Variants in TCF12 observed in about 807,000 individuals in gnomAD.
The protein encoded by TCF12 is transcription factor 12.
TCF12 carries 45 observed loss-of-function variants against 86.0 expected under a neutral mutation model. That is an observed-to-expected ratio of 0.52 (90% CI 0.41 to 0.67). The LOEUF (loss-of-function observed/expected upper bound fraction) is 0.67. Ranked by LOEUF, TCF12 falls within the 30% of genes least tolerant of loss-of-function variation. TCF12 has a pLI of 0.00. For missense variants in TCF12, 881 were observed against 859.9 expected (o/e 1.02, Z -0.31); for synonymous variants, 330 against 299.6 (o/e 1.10, Z -1.05).
chr15:57,076,648 A>G (rs1485520708), intron 4 of TCF12, among the ~76,000 whole-genome samples: 1 of 151,882 alleles, frequency 6.6e-6, no homozygotes, highest in African/African-American at 2.4e-5. Context: ...CAAAAAAAAA[A>G]AAAAGAAAAG....
intron 3 of TCF12, among the ~76,000 whole-genome samples, chr15:56,974,846 A>G (rs1403661164): frequency 1.3e-5 from 2 of 151,994 alleles, no homozygotes; most frequent in Non-Finnish European, 1.5e-5. Context: ...TTTTTATGAA[A>G]AAGTTTTATC....
intron 3 of TCF12, among the ~76,000 whole-genome samples, chr15:57,053,490 T>C (rs1952153418): frequency 6.6e-6 from 1 of 152,208 alleles, no homozygotes; most frequent in African/African-American, 2.4e-5. Flanking sequence ...CTTGTCTGTT[T>C]TTGCTTTTTT....
At chr15:56,950,614 A>G (rs867706374) in intron 3 of TCF12, among the ~76,000 whole-genome samples, 21 of 152,242 alleles carry the variant, frequency 1.4e-4, no homozygotes, top group Admixed American at 7.2e-4. Flanking sequence ...AGATTCATTT[A>G]TGTACCAATA....
intron 5 of TCF12, among the ~76,000 whole-genome samples, chr15:57,116,634 A>C (rs918111252): frequency 6.6e-6 from 1 of 152,152 alleles, no homozygotes; most frequent in African/African-American, 2.4e-5. Context: ...GGAGTGAGCC[A>C]CTGAACCCAG....
intron 19 of TCF12, among the ~76,000 whole-genome samples, chr15:57,279,963 G>A (rs1415075466): frequency 1.5e-5 from 2 of 136,954 alleles, no homozygotes; most frequent in African/African-American, 2.9e-5. Flanking sequence ...GCGCGATTTC[G>A]GCTCACTGCA....
In TCF12 at chr15:57,107,877, G is replaced by A. The variant is rs144750335; in HGVS notation, c.325+15986G>A. ...GAGCGATGATTATGCCATTGCACTC[G>A]TGCCTGGTGACAGAGTGAGGCCCTG... On this transcript the variant is annotated intron_variant, in intron 5 of 20. Coordinates refer to ENST00000333725, the MANE Select transcript of TCF12 (RefSeq NM_207037.2). Among the ~76,000 whole-genome samples the A allele has an allele frequency of 2.9e-3, 445 of 152,216 alleles. 3 individuals are homozygous for A. Among genetic ancestry groups the A allele is most frequent in the African/African-American group, 0.011 (438 of 41,542 alleles).
At chr15:57,267,036 A>G (rs2060903256) in intron 18 of TCF12, among the ~76,000 whole-genome samples, 1 of 152,204 alleles carries the variant, frequency 6.6e-6, no homozygotes, top group African/African-American at 2.4e-5. Flanking sequence ...CTAAAAAAAG[A>G]CTTTTTTCTA....
At chr15:57,291,257 C>G (rs2062066856), downstream of TCF12, 1 of 152,238 alleles carries the variant, frequency 6.6e-6, no homozygotes, top group African/African-American at 2.4e-5. Flanking sequence ...CACATACTTT[C>G]AATCATCTCT....
chr15:57,117,440 G>A (rs1223487830), intron 5 of TCF12, among the ~76,000 whole-genome samples: 5 of 152,180 alleles, frequency 3.3e-5, no homozygotes, highest in East Asian at 3.8e-4. Context: ...AACTTTGACA[G>A]AAAATAGCCT....
At chr15:57,227,656 A>G (rs559188916) in intron 8 of TCF12, among the ~76,000 whole-genome samples, 14 of 152,092 alleles carry the variant, frequency 9.2e-5, no homozygotes, top group South Asian at 2.1e-4. Flanking sequence ...TAGATTTTCT[A>G]TTTTATTCTT....
At chr15:57,272,940 T>C (rs1286611683) in intron 18 of TCF12, 90 bp from the exon 19 acceptor site, 1 of 1,243,912 alleles carries the variant, frequency 8.0e-7, no homozygotes, top group Admixed American at 2.3e-5. Context: ...GTGGTTTTCA[T>C]TTCCATCTTT....
chr15:56,918,996 C>T (rs2059628754), intron 1 of TCF12, 90 bp downstream of exon 1: 1 of 151,836 alleles, frequency 6.6e-6, no homozygotes, highest in African/African-American at 2.4e-5. Flanking sequence ...GTGGGGGCGC[C>T]CCCGTCCCCC....
At chr15:57,190,373 G>T (rs1315321924) in intron 6 of TCF12, among the ~76,000 whole-genome samples, 1 of 152,146 alleles carries the variant, frequency 6.6e-6, no homozygotes, top group Non-Finnish European at 1.5e-5. Context: ...CCTGCTTTTT[G>T]ACCAGAGCTG....
chr15:56,950,749 T>C (rs1282741871), intron 3 of TCF12, among the ~76,000 whole-genome samples: 906 of 85,714 alleles, frequency 0.011, 157 homozygotes, highest in African/African-American at 0.032. Flanking sequence ...GACCATGTTT[T>C]TTTTTTTTTT....
At position 57,177,633 on chromosome 15, in the gene TCF12, A is replaced by AGAGAGAGAGAGAGAGAGAGT. The variant is rs1362152149; in HGVS notation, c.390+11172_390+11173insAGAGAGAGAGAGAGTGAGAG. 2.2e-4 allele frequency among the ~76,000 whole-genome samples: 33 copies of AGAGAGAGAGAGAGAGAGAGT among 151,740 alleles called. No homozygotes were observed. In the East Asian group the frequency reaches 6.2e-3, roughly 29 times the overall value. On this transcript the variant is annotated intron_variant, in intron 6 of 20. Coordinates refer to ENST00000333725, the MANE Select transcript of TCF12 (RefSeq NM_207037.2). ...CAGAGAGAGAGAGAGAGAGAGAGAG[A>AGAGAGAGAGAGAGAGAGAGT]GAGAGTTGGATTAGGCAGGGCCTAC...
chr15:56,991,421 C>T (rs932361499), intron 3 of TCF12, among the ~76,000 whole-genome samples: 1 of 152,166 alleles, frequency 6.6e-6, no homozygotes, highest in Non-Finnish European at 1.5e-5. Flanking sequence ...AAGGGCTGAA[C>T]TTGTGACCTT....
At chr15:57,035,575 C>T (rs1375057586) in intron 3 of TCF12, among the ~76,000 whole-genome samples, 2 of 152,122 alleles carry the variant, frequency 1.3e-5, no homozygotes, top group African/African-American at 4.8e-5. Context: ...GCCTCTGAAA[C>T]AATAATTTTA....
At chr15:56,994,595 TGGGGGGAGCAATGATTCTAA>T (rs1567220355) in intron 3 of TCF12, among the ~76,000 whole-genome samples, 1 of 151,932 alleles carries the variant, frequency 6.6e-6, no homozygotes, top group African/African-American at 2.4e-5. Context: ...CATTGCTCCT[TGGGGGGAGCAATGATTCTAA>T]TGACTTCAGA....
chr15:57,227,274 C>T (rs115314954), intron 8 of TCF12, among the ~76,000 whole-genome samples: 1,759 of 152,216 alleles, frequency 0.012, 33 homozygotes, highest in African/African-American at 0.04. Context: ...CTCCCTGCCT[C>T]ACAAGAATGT....
Sources: gnomAD v4.1 joint callset for allele counts (sites outside exome capture counted in the v4.1 genomes callset) on GRCh38, gnomAD v4.1.1 for gene constraint, MANE v1.5 for transcripts, NCBI Gene and HGNC (gene_info 2026-07-23, HGNC 2026-07-21) for gene names.